Variants in CAP2 observed in about 807,000 individuals in gnomAD.
The protein encoded by CAP2 is adenylyl cyclase-associated protein 2.
In CAP2, 24 loss-of-function variants were observed where a neutral mutation model predicts 57.7. The observed-to-expected ratio is 0.42, with a 90% CI of 0.30 to 0.58. CAP2 has a LOEUF of 0.58. Among genes scored for constraint, CAP2 ranks in the 20% least tolerant of loss-of-function variants. The pLI is 0.22. For synonymous variants in CAP2, 194 were observed against 207.2 expected (o/e 0.94, Z 0.55); for missense variants, 501 against 590.3 (o/e 0.85, Z 1.57).
At chr6:17,399,416 G>A (rs570296486) in intron 1 of CAP2, among the ~76,000 whole-genome samples, 5 of 152,132 alleles carry the variant, frequency 3.3e-5, no homozygotes, top group Admixed American at 6.6e-5. Flanking sequence ...TCTGTCTTTA[G>A]TAGACACTTT....
chr6:17,439,726 T>C (rs937514948), intron 3 of CAP2, among the ~76,000 whole-genome samples: 1 of 151,536 alleles, frequency 6.6e-6, no homozygotes, highest in East Asian at 1.9e-4. Flanking sequence ...TTCATGCTCC[T>C]ATGAGAATCT....
chr6:17,532,134 C>CTTTT (rs35428314), intron 7 of CAP2, among the ~76,000 whole-genome samples: 52 of 85,972 alleles, frequency 6.0e-4, no homozygotes, highest in East Asian at 1.0e-3. Flanking sequence ...GTTTGAAAAT[C>CTTTT]TTTTTTTTTT....
chr6:17,531,604 A>G lies in CAP2; in HGVS notation c.637-7665A>G, dbSNP rs1367838115. 67 of 1,472,218 alleles carry G rather than the reference A, an allele frequency of 4.6e-5. No homozygotes were observed. The East Asian group carries it at 1.5e-3, about 32-fold the overall frequency. 91.2% of individuals were successfully genotyped at this position (1,472,218 alleles called of 1,614,324 possible). A position where few individuals can be genotyped will look rare whatever the true frequency, so the allele number is the denominator to read the frequency against. On this transcript the variant is annotated intron_variant, in intron 7 of 12. Transcript: ENST00000229922. ...TTTTCTTAAGCATTTCTGGCACAGCAGGAACCTTCTTCTTCTCTTCTACAC... is the reference window on the plus strand; with the variant it reads ...TTTTCTTAAGCATTTCTGGCACAGCGGGAACCTTCTTCTTCTCTTCTACAC...
intron 7 of CAP2, among the ~76,000 whole-genome samples, chr6:17,515,377 G>A (rs1762253526): frequency 6.6e-6 from 1 of 152,128 alleles, no homozygotes; most frequent in Non-Finnish European, 1.5e-5. Flanking sequence ...AATACCGTGT[G>A]TTCCCACTTA....
At chr6:17,494,526 G>A (rs1761618637) in intron 4 of CAP2, among the ~76,000 whole-genome samples, 1 of 152,030 alleles carries the variant, frequency 6.6e-6, no homozygotes, top group South Asian at 2.1e-4. Context: ...AATGAGACCT[G>A]TGCTGGCCAT....
intron 3 of CAP2, among the ~76,000 whole-genome samples, chr6:17,450,565 T>C (rs1219356817): frequency 6.6e-6 from 1 of 152,222 alleles, no homozygotes; most frequent in East Asian, 1.9e-4. Context: ...TGTGCACTGA[T>C]GTAAATACTT....
At chr6:17,403,978 C>G (rs1055884645) in intron 1 of CAP2, among the ~76,000 whole-genome samples, 10 of 152,212 alleles carry the variant, frequency 6.6e-5, no homozygotes, top group African/African-American at 2.4e-4. Flanking sequence ...TTACAAAATT[C>G]TTTTAGGGTA....
At chr6:17,515,817 CT>C (rs1296349641) in intron 7 of CAP2, among the ~76,000 whole-genome samples, 1 of 152,166 alleles carries the variant, frequency 6.6e-6, no homozygotes, top group East Asian at 1.9e-4. Context: ...TCTGTTCCCA[CT>C]TTAATTCCCA....
At chr6:17,471,995 T>G (rs898742084) in intron 4 of CAP2, among the ~76,000 whole-genome samples, 14 of 152,272 alleles carry the variant, frequency 9.2e-5, no homozygotes, top group Non-Finnish European at 1.6e-4. Flanking sequence ...CCAAATTACC[T>G]CGATAGTCTC....
At chr6:17,544,174 C>T (rs1394621633) in intron 11 of CAP2, among the ~76,000 whole-genome samples, 1 of 151,136 alleles carries the variant, frequency 6.6e-6, no homozygotes, top group Non-Finnish European at 1.5e-5. Context: ...ATCTTTATAG[C>T]CCCAGAAACT....
intron 1 of CAP2, among the ~76,000 whole-genome samples, chr6:17,404,113 CATTA>C (rs1758886817): frequency 6.6e-6 from 1 of 152,176 alleles, no homozygotes; most frequent in South Asian, 2.1e-4. Flanking sequence ...TGAACCAATT[CATTA>C]ATTGACATAG....
intron 7 of CAP2, among the ~76,000 whole-genome samples, chr6:17,521,946 T>G (rs1762402116): frequency 6.6e-6 from 1 of 151,918 alleles, no homozygotes; most frequent in African/African-American, 2.4e-5. Context: ...CTGTCTCTAC[T>G]AAAAATACAA....
At chr6:17,449,037 C>T (rs1760337258) in intron 3 of CAP2, among the ~76,000 whole-genome samples, 1 of 152,262 alleles carries the variant, frequency 6.6e-6, no homozygotes, top group Non-Finnish European at 1.5e-5. Flanking sequence ...GTTGGGATTA[C>T]AGGCGTGAGC....
rs1377602633 is a variant in CAP2 at position 17,557,577 on chromosome 6, T to C, written c.*1135T>C. ...CTTGCAGGCCCAGTACAAGCATATA[T>C]ATTGTGCCTCTTACAGCCTTTGGAA... On this transcript the variant is annotated 3_prime_UTR_variant, in exon 13 of 13. Coordinates refer to ENST00000229922, the MANE Select transcript of CAP2 (RefSeq NM_006366.3). 1 of 152,212 alleles carries C rather than the reference T, an allele frequency of 6.6e-6. No homozygotes were observed. The highest frequency in any genetic ancestry group is 2.4e-5 in the African/African-American group (1 of 41,456). The allele number at this position is 152,212 out of a possible 1,614,324, so 9.4% of individuals were successfully genotyped here. A position where few individuals can be genotyped will look rare whatever the true frequency, so the allele number is the denominator to read the frequency against.
At chr6:17,475,944 T>A (rs1761142927) in intron 4 of CAP2, among the ~76,000 whole-genome samples, 1 of 152,176 alleles carries the variant, frequency 6.6e-6, no homozygotes. Context: ...TCACACAAAT[T>A]GGATTTAAAT....
intron 1 of CAP2, among the ~76,000 whole-genome samples, chr6:17,416,628 C>A (rs1410249619): frequency 6.6e-6 from 1 of 151,942 alleles, no homozygotes; most frequent in Non-Finnish European, 1.5e-5. Flanking sequence ...CTGAAGAAAA[C>A]CAAATAATAC....
chr6:17,523,810 A>G (rs1762440710), intron 7 of CAP2, among the ~76,000 whole-genome samples: 1 of 152,302 alleles, frequency 6.6e-6, no homozygotes, highest in Non-Finnish European at 1.5e-5. Context: ...AAGGAGTAAA[A>G]TGTTTTTGTA....
At chr6:17,503,534 G>A (rs540109406) in intron 4 of CAP2, among the ~76,000 whole-genome samples, 1 of 151,080 alleles carries the variant, frequency 6.6e-6, no homozygotes, top group African/African-American at 2.4e-5. Flanking sequence ...AACCTGGAAG[G>A]TGGAGGTTGC....
chr6:17,466,441 G>A (rs1216813627), intron 4 of CAP2, among the ~76,000 whole-genome samples: 1 of 152,198 alleles, frequency 6.6e-6, no homozygotes, highest in Non-Finnish European at 1.5e-5. Flanking sequence ...CTCGTCCAGA[G>A]ACCACACTTT....
Sources: gnomAD v4.1 joint callset for allele counts (sites outside exome capture counted in the v4.1 genomes callset) on GRCh38, gnomAD v4.1.1 for gene constraint, MANE v1.5 for transcripts, NCBI Gene and HGNC (gene_info 2026-07-23, HGNC 2026-07-21) for gene names.